The following BTD variants were observed in gnomAD, a reference collection of about 807,000 sequenced individuals.
BTD encodes biotinidase, also known as biocytinase.
Under a neutral mutation model 17.7 loss-of-function variants are expected in BTD, and 13 were observed. The ratio of observed to expected loss-of-function variants is 0.74; its 90% confidence interval spans 0.48 to 1.17. BTD has a LOEUF of 1.17. Among genes scored for constraint, BTD ranks in the 50% most tolerant of loss-of-function variants. The pLI is 0.00. For synonymous variants in BTD, 240 were observed against 245.2 expected, an observed-to-expected ratio of 0.98 and a Z score of 0.20; for missense variants, 674 against 650.4, an observed-to-expected ratio of 1.04 and a Z score of -0.39.
chr3:15,669,162 G>A (rs2066140048), intron 3 of BTD: 1 of 152,174 alleles, frequency 6.6e-6, no homozygotes, highest in African/African-American at 2.4e-5. Context: ...ATACAGAAAT[G>A]CCTTTCAAGA....
rs1211047362 is a variant in BTD at position 15,651,453 on chromosome 3, C to T, written c.*5965C>T. On this transcript the variant is annotated 3_prime_UTR_variant, in exon 4 of 4. Transcript: ENST00000643237. ...ACCCAGCGGCCAGCGACAGCAGGAG[C>T]TATGAGCACCCCAGGCCTGAAGGTG... Among the ~76,000 whole-genome samples the T allele has an allele frequency of 6.6e-6, 1 of 152,194 alleles. No individual in the cohort carries two copies. Among genetic ancestry groups the T allele is most frequent in the Non-Finnish European group, 1.5e-5 (1 of 68,032 alleles).
chr3:15,628,024 A>G (rs1001610343), intron 1 of BTD, among the ~76,000 whole-genome samples: 2 of 152,188 alleles, frequency 1.3e-5, no homozygotes, highest in Non-Finnish European at 2.9e-5. Context: ...GCCCAGCCCC[A>G]AGGGTTATTC....
intron 1 of BTD, among the ~76,000 whole-genome samples, chr3:15,603,385 C>T (rs1664214776): frequency 6.6e-6 from 1 of 152,214 alleles, no homozygotes. Context: ...TGGCTGGGCG[C>T]AGTGGCTCAC....
At chr3:15,712,047 T>G (rs371620763) in exon 4 of BTD, 1 of 956,908 alleles carries the variant, frequency 1.0e-6, no homozygotes, top group African/African-American at 1.6e-5. Flanking sequence ...ACTGGACCCA[T>G]CTGCATTAAT....
chr3:15,634,859 A>G (rs2065300953), intron 1 of BTD, among the ~76,000 whole-genome samples: 1 of 152,222 alleles, frequency 6.6e-6, no homozygotes, highest in Admixed American at 6.5e-5. Flanking sequence ...CAAATAAATA[A>G]TTTTGTGCTG....
intron 1 of BTD, among the ~76,000 whole-genome samples, chr3:15,609,444 C>T (rs1027066307): frequency 6.6e-6 from 1 of 152,142 alleles, no homozygotes; most frequent in African/African-American, 2.4e-5. Context: ...GAAATTCTTG[C>T]ATGTTTCCTT....
chr3:15,672,702 G>A (rs1182285036), intron 3 of BTD, among the ~76,000 whole-genome samples: 8 of 152,140 alleles, frequency 5.3e-5, no homozygotes, highest in African/African-American at 1.7e-4. Context: ...GGATGAGAGC[G>A]GGAGTGGGGA....
downstream of BTD, among the ~76,000 whole-genome samples, chr3:15,714,048 T>C (rs760808912): frequency 1.8e-4 from 27 of 152,184 alleles, no homozygotes; most frequent in Non-Finnish European, 2.4e-4. Flanking sequence ...TGCAAAACCA[T>C]AGCACCTATT....
chr3:15,695,163 TG>T, intron 3 of BTD: 1 of 1,576,104 alleles, frequency 6.3e-7, no homozygotes, highest in Non-Finnish European at 8.7e-7. Context: ...TACTAATTGG[TG>T]GGAGGGAATT....
intron 1 of BTD, among the ~76,000 whole-genome samples, chr3:15,622,743 CA>C (rs56178215): frequency 1 from 152,366 of 152,368 alleles, 76,182 homozygotes; most frequent in Middle Eastern, 1. Flanking sequence ...ATTGTTGGCA[CA>C]ATGCACATTA....
chr3:15,665,780 G>A (rs1226055776), intron 3 of BTD, among the ~76,000 whole-genome samples: 1 of 152,232 alleles, frequency 6.6e-6, no homozygotes, highest in Non-Finnish European at 1.5e-5. Flanking sequence ...TACTTGTGTG[G>A]TTGGGCTTGC....
chr3:15,683,193 AT>A (rs1265397470), intron 3 of BTD, among the ~76,000 whole-genome samples: 1 of 152,082 alleles, frequency 6.6e-6, no homozygotes, highest in Admixed American at 6.5e-5. Flanking sequence ...TCAGGGATAT[AT>A]TTTTTTAAAA....
At chr3:15,633,568 G>A (rs887061154) in intron 1 of BTD, among the ~76,000 whole-genome samples, 1 of 152,150 alleles carries the variant, frequency 6.6e-6, no homozygotes, top group Non-Finnish European at 1.5e-5. Context: ...TCTGTACCCC[G>A]ACATCGGTGG....
Position 15,685,274 on chromosome 3 carries a change from T to C in BTD, c.400-24786T>C, listed in dbSNP as rs1189255347. On this transcript the variant is annotated intron_variant, in intron 3 of 3. Transcript: ENST00000672141. ...GCCGTATATCCATGATTGTCTGCTG[T>C]GGCTGGATTTGCATCCATAGATGCT... 6.2e-7 allele frequency: 1 copy of C among 1,613,906 alleles called. No individual in the cohort carries two copies. The highest frequency in any genetic ancestry group is 1.3e-5 in the African/African-American group (1 of 74,924).
chr3:15,670,624 A>G, intron 3 of BTD: 1 of 1,450,084 alleles, frequency 6.9e-7, no homozygotes, highest in South Asian at 1.3e-5. Flanking sequence ...CAAGGAAATA[A>G]GCCTAAAGTA....
intron 1 of BTD, among the ~76,000 whole-genome samples, chr3:15,615,329 C>A (rs1338999836): frequency 1.3e-5 from 2 of 152,170 alleles, no homozygotes; most frequent in Non-Finnish European, 2.9e-5. Flanking sequence ...CTGCTCAGAG[C>A]CCAAGATGAG....
intron 1 of BTD, among the ~76,000 whole-genome samples, chr3:15,615,926 T>G (rs2064777221): frequency 6.6e-6 from 1 of 152,264 alleles, no homozygotes; most frequent in Non-Finnish European, 1.5e-5. Context: ...ATTGGTTTCT[T>G]TCCTTTAGTA....
chr3:15,629,649 G>A (rs1002218198), intron 1 of BTD, among the ~76,000 whole-genome samples: 4 of 152,162 alleles, frequency 2.6e-5, no homozygotes, highest in African/African-American at 4.8e-5. Context: ...TCAGCCTCCC[G>A]GAGTAGCTGG....
chr3:15,695,096 T>G, intron 3 of BTD: 1 of 1,057,116 alleles, frequency 9.5e-7, no homozygotes, highest in East Asian at 2.5e-5. Context: ...GTAAAAACAC[T>G]TTCAGCTCTA....
Sources: allele counts gnomAD v4.1 joint callset (sites outside exome capture counted in the v4.1 genomes callset), GRCh38; gene constraint gnomAD v4.1.1; transcripts MANE v1.5; gene names NCBI Gene and HGNC (gene_info 2026-07-23, HGNC 2026-07-21).